The following ZSWIM5 variants were observed in gnomAD, a reference collection of about 807,000 sequenced individuals.
ZSWIM5 encodes zinc finger SWIM domain-containing protein 5.
A neutral mutation model predicts 119.6 loss-of-function variants in ZSWIM5; 55 were observed. The ratio of observed to expected loss-of-function variants is 0.46; its 90% CI spans 0.37 to 0.58. The LOEUF (loss-of-function observed/expected upper bound fraction) is 0.58, where lower values mean the gene tolerates loss of function less well. Among genes scored for constraint, ZSWIM5 ranks in the 20% least tolerant of loss-of-function variants. The pLI is 0.00. For missense variants in ZSWIM5, 1,193 were observed against 1,512.8 expected (o/e 0.79, Z 3.51); for synonymous variants, 537 against 606.9 (o/e 0.88, Z 1.69).
intron 1 of ZSWIM5, among the ~76,000 whole-genome samples, chr1:45,170,320 C>T (rs184103301): frequency 8.5e-5 from 13 of 152,126 alleles, no homozygotes; most frequent in Admixed American, 7.9e-4. Flanking sequence ...TACTGAGTCA[C>T]ACTGGCAAAG....
intron 1 of ZSWIM5, among the ~76,000 whole-genome samples, chr1:45,170,664 A>T (rs546843800): frequency 6.6e-6 from 1 of 152,016 alleles, no homozygotes; most frequent in Non-Finnish European, 1.5e-5. Context: ...CCTTGCCTCA[A>T]GCGATCCTCT....
intron 1 of ZSWIM5, among the ~76,000 whole-genome samples, chr1:45,153,756 G>C (rs1022105905): frequency 6.6e-6 from 1 of 151,360 alleles, no homozygotes; most frequent in Non-Finnish European, 1.5e-5. Flanking sequence ...GCAATCAGAC[G>C]AGACAAAGAA....
intron 2 of ZSWIM5, among the ~76,000 whole-genome samples, chr1:45,086,651 A>T (rs1266391231): frequency 6.6e-6 from 1 of 152,038 alleles, no homozygotes; most frequent in Non-Finnish European, 1.5e-5. Flanking sequence ...AGGGCAGGGG[A>T]AGGATAGCAT....
intron 1 of ZSWIM5, among the ~76,000 whole-genome samples, chr1:45,163,012 G>C (rs1645873313): frequency 6.6e-6 from 1 of 152,216 alleles, no homozygotes; most frequent in Non-Finnish European, 1.5e-5. Flanking sequence ...AGAACAGACA[G>C]ACTGCCTCCT....
rs554565025 is a variant in ZSWIM5 at position 45,043,287 on chromosome 1, G to A, written c.1541C>T (p.Thr514Ile). 2.1e-5 allele frequency: 34 copies of A among 1,614,194 alleles called. No homozygotes were observed. In the East Asian group the frequency reaches 7.1e-4, roughly 34 times the overall value. Reference protein sequence around the residue: ...LQRIISSDVYTAPACQRESER... With the variant: ...LQRIISSDVYIAPACQRESER... Reference sequence around the variant, plus strand: ...ACTTTCCCGCTGGCAGGCAGGAGCTGTATAAACATCACTGCTGATTATTCG... The same window carrying A: ...ACTTTCCCGCTGGCAGGCAGGAGCTATATAAACATCACTGCTGATTATTCG... The change falls in exon 6 of 14, where the codon ACA becomes ATA. Residue 514 changes from threonine (T) to isoleucine (I), a missense_variant. Physicochemically the swap from Thr to Ile is moderately conservative, Grantham distance 89. This residue lies in a region of ZSWIM5 where 961 missense variants were observed against 1,290.0 expected (regional missense o/e 0.74). Coordinates refer to ENST00000359600, the MANE Select transcript of ZSWIM5 (RefSeq NM_020883.2).
chr1:45,120,446 A>G (rs2149027348), intron 1 of ZSWIM5, among the ~76,000 whole-genome samples: 1 of 152,066 alleles, frequency 6.6e-6, no homozygotes, highest in South Asian at 2.1e-4. Flanking sequence ...TTCCATATTC[A>G]GTTCTCTATC....
At chr1:45,175,890 CT>C (rs1645977359) in intron 1 of ZSWIM5, among the ~76,000 whole-genome samples, 1 of 151,820 alleles carries the variant, frequency 6.6e-6, no homozygotes, top group African/African-American at 2.4e-5. Context: ...TCAAAGCTGG[CT>C]TTTGTATCCT....
At chr1:45,117,896 G>A (rs577583152) in intron 1 of ZSWIM5, among the ~76,000 whole-genome samples, 1 of 152,286 alleles carries the variant, frequency 6.6e-6, no homozygotes, top group South Asian at 2.1e-4. Flanking sequence ...CAATCATTCA[G>A]GTCCAGATTA....
At chr1:45,114,727 A>C (rs1488205125) in intron 1 of ZSWIM5, among the ~76,000 whole-genome samples, 1 of 149,972 alleles carries the variant, frequency 6.7e-6, no homozygotes, top group Non-Finnish European at 1.5e-5. Context: ...ACAATAGTGG[A>C]GGGAAGGTCA....
intron 1 of ZSWIM5, among the ~76,000 whole-genome samples, chr1:45,091,585 C>T (rs1374642842): frequency 2.6e-5 from 4 of 151,938 alleles, no homozygotes; most frequent in African/African-American, 9.7e-5. Flanking sequence ...TCACTTGAGC[C>T]CAGGAGGTTG....
At chr1:45,183,511 T>C (rs1190988133) in intron 1 of ZSWIM5, among the ~76,000 whole-genome samples, 1 of 151,026 alleles carries the variant, frequency 6.6e-6, no homozygotes, top group South Asian at 2.1e-4. Context: ...GCAAGACTAA[T>C]AAAGAAAAAA....
chr1:45,106,787 G>GGAAAA (rs1645482622), intron 1 of ZSWIM5, among the ~76,000 whole-genome samples: 1 of 152,172 alleles, frequency 6.6e-6, no homozygotes, highest in Non-Finnish European at 1.5e-5. Flanking sequence ...GGGAAATGTG[G>GGAAAA]GGAAAAGAAA....
intron 3 of ZSWIM5, among the ~76,000 whole-genome samples, chr1:45,059,654 G>A (rs1645141784): frequency 6.6e-6 from 1 of 152,050 alleles, no homozygotes; most frequent in Non-Finnish European, 1.5e-5. Context: ...ACTTTAAATG[G>A]GTGAATTGTA....
chr1:45,038,537 G>A (rs751578883), intron 8 of ZSWIM5, among the ~76,000 whole-genome samples: 2 of 146,016 alleles, frequency 1.4e-5, no homozygotes, highest in Non-Finnish European at 3.0e-5. Flanking sequence ...TTGGACAAGA[G>A]GGGGAAAAAA....
At chr1:45,039,989 G>T (rs1645009855) in intron 7 of ZSWIM5, among the ~76,000 whole-genome samples, 1 of 152,042 alleles carries the variant, frequency 6.6e-6, no homozygotes, top group Admixed American at 6.5e-5. Context: ...ACAGGCGTAA[G>T]CCACCATGCC....
intron 1 of ZSWIM5, among the ~76,000 whole-genome samples, chr1:45,183,600 A>G (rs561994830): frequency 2.6e-5 from 4 of 152,374 alleles, no homozygotes; most frequent in Non-Finnish European, 5.9e-5. Context: ...ACAACCTACC[A>G]TCAGAGAATA....
chr1:45,181,786 T>C (rs1301490516), intron 1 of ZSWIM5, among the ~76,000 whole-genome samples: 1 of 151,980 alleles, frequency 6.6e-6, no homozygotes, highest in Non-Finnish European at 1.5e-5. Flanking sequence ...TCAACATTCT[T>C]AAAGAAAAGA....
intron 1 of ZSWIM5, among the ~76,000 whole-genome samples, chr1:45,130,463 G>C (rs1645649419): frequency 6.6e-6 from 1 of 151,714 alleles, no homozygotes; most frequent in African/African-American, 2.4e-5. Context: ...CACCAAAAAG[G>C]ATAGACAGAT....
chr1:45,050,431 A>G (rs1645082567), intron 5 of ZSWIM5, among the ~76,000 whole-genome samples: 1 of 152,212 alleles, frequency 6.6e-6, no homozygotes, highest in Admixed American at 6.5e-5. Flanking sequence ...AAGGCTCTCA[A>G]TAGGCTAAAG....
Sources: gnomAD v4.1 joint callset for allele counts (sites outside exome capture counted in the v4.1 genomes callset) on GRCh38, gnomAD v4.1.1 for gene constraint, gnomAD v4.1.1 regional missense constraint, MANE v1.5 for transcripts, NCBI Gene and HGNC (gene_info 2026-07-23, HGNC 2026-07-21) for gene names.